Variants in PARD3B observed in about 807,000 individuals in gnomAD.
PARD3B encodes the protein partitioning defective 3 homolog B.
In PARD3B, 103 loss-of-function variants were observed where a neutral mutation model predicts 130.2. The observed-to-expected ratio is 0.79, with a 90% CI of 0.67 to 0.93. The LOEUF is 0.93. Ranked by LOEUF, PARD3B falls within the 40% of genes least tolerant of loss-of-function variation. PARD3B has a pLI of 0.00. For synonymous variants in PARD3B, 583 were observed against 553.2 expected (o/e 1.05, Z -0.76); for missense variants, 1,609 against 1,499.2 (o/e 1.07, Z -1.21).
Position 205,176,646 on chromosome 2 carries a change from A to T in PARD3B, c.1924+69A>T. The T allele has an allele frequency of 7.4e-7, 1 of 1,350,376 alleles. No homozygotes were observed. The highest frequency in any genetic ancestry group is 9.9e-7 in the Non-Finnish European group (1 of 1,013,764). 83.6% of individuals were successfully genotyped at this position (1,350,376 alleles called of 1,614,324 possible). Reference sequence around the variant, plus strand: ...ACACAAAAGTGTCTTTTTATCTAAAAAAAAAAAAAAAGAGTAAAGGGGAGT... The same window carrying T: ...ACACAAAAGTGTCTTTTTATCTAAATAAAAAAAAAAAGAGTAAAGGGGAGT... On this transcript the variant is annotated intron_variant, in intron 13 of 22. Coordinates refer to ENST00000406610, the MANE Select transcript of PARD3B (RefSeq NM_001302769.2). This position sits in a 1 kb window ranked among gnomAD's most constrained non-coding sequence, Gnocchi z 5.3.
rs781431653 is a variant in PARD3B at position 205,558,303 on chromosome 2, T to C, written c.3260+4900T>C. 2.0e-5 allele frequency among the ~76,000 whole-genome samples: 3 copies of C among 152,022 alleles called. No homozygotes were observed. The highest frequency in any genetic ancestry group is 4.4e-5 in the Non-Finnish European group (3 of 67,990). ...GGAAGGTGGAGCATGATGCTCTAGC[T>C]CCCAGGGCAGACATGGCATGACAGC... On this transcript the variant is annotated intron_variant, in intron 22 of 22. Transcript: ENST00000406610. This position sits in a 1 kb window ranked among gnomAD's most constrained non-coding sequence, Gnocchi z 4.8.
At chr2:205,391,702 G>T (rs1272797303) in intron 18 of PARD3B, among the ~76,000 whole-genome samples, 2 of 152,178 alleles carry the variant, frequency 1.3e-5, no homozygotes, top group African/African-American at 2.4e-5. Flanking sequence ...AAGCAGAGGG[G>T]TAGAATAACT....
chr2:205,615,971 A>T lies in PARD3B; in HGVS notation c.*158A>T, dbSNP rs1296206475. 3.0e-6 allele frequency: 2 copies of T among 658,038 alleles called. No individual in the cohort carries two copies. Among genetic ancestry groups the T allele is most frequent in the East Asian group, 5.8e-5 (2 of 34,506 alleles). 40.8% of individuals were successfully genotyped at this position (658,038 alleles called of 1,614,324 possible). A position where few individuals can be genotyped will look rare whatever the true frequency, so the allele number is the denominator to read the frequency against. On this transcript the variant is annotated 3_prime_UTR_variant, in exon 23 of 23. Transcript: ENST00000406610. ...TAACGCATGACTGCTAATCAGAGAG[A>T]AAAAGAAGGGGAAGGGAATTGGGGA...
intron 15 of PARD3B, among the ~76,000 whole-genome samples, chr2:205,193,682 G>A (rs187324978): frequency 7.2e-5 from 11 of 152,236 alleles, no homozygotes; most frequent in Admixed American, 1.3e-4. Flanking sequence ...CTCTGTGCGG[G>A]CATACCTGTT....
intron 21 of PARD3B, among the ~76,000 whole-genome samples, chr2:205,508,792 C>A (rs2050476307): frequency 6.6e-6 from 1 of 152,130 alleles, no homozygotes; most frequent in Non-Finnish European, 1.5e-5. Flanking sequence ...AGAGAAAAAA[C>A]CATGTCTATA....
chr2:205,515,602 G>A (rs978052461), intron 21 of PARD3B, among the ~76,000 whole-genome samples: 1 of 141,960 alleles, frequency 7.0e-6, no homozygotes, highest in African/African-American at 2.7e-5. Flanking sequence ...CTGCATGTAT[G>A]TCTTTTTTTG....
intron 2 of PARD3B, among the ~76,000 whole-genome samples, chr2:204,820,650 A>G (rs1322968362): frequency 6.6e-6 from 1 of 151,858 alleles, no homozygotes; most frequent in East Asian, 2.0e-4. Context: ...CCTCATCTCT[A>G]CTAAAAATAC....
intron 2 of PARD3B, among the ~76,000 whole-genome samples, chr2:204,848,485 A>T (rs893760159): frequency 5.3e-5 from 8 of 151,906 alleles, no homozygotes; most frequent in Non-Finnish European, 1.2e-4. Context: ...AATAAAAATA[A>T]AAAAAAATAG....
At chr2:204,594,965 T>G (rs967634980) in intron 1 of PARD3B, among the ~76,000 whole-genome samples, 4 of 152,214 alleles carry the variant, frequency 2.6e-5, no homozygotes, top group African/African-American at 4.8e-5. Context: ...CAGTGATGCC[T>G]CCAGTGATCT....
intron 2 of PARD3B, among the ~76,000 whole-genome samples, chr2:204,761,349 A>G (rs1214862350): frequency 1.3e-5 from 2 of 152,186 alleles, no homozygotes; most frequent in Admixed American, 1.3e-4. Context: ...TAAAAGGCAC[A>G]CCATTCAGTT....
chr2:204,749,643 C>T (rs1319875526), intron 2 of PARD3B, among the ~76,000 whole-genome samples: 3 of 152,080 alleles, frequency 2.0e-5, no homozygotes, highest in African/African-American at 7.2e-5. Flanking sequence ...AATTATATTT[C>T]TCCTTGGTTC....
intron 3 of PARD3B, among the ~76,000 whole-genome samples, chr2:204,980,402 A>G (rs1470830003): frequency 2.6e-5 from 4 of 152,308 alleles, no homozygotes; most frequent in South Asian, 2.1e-4. Flanking sequence ...GAGTTGACAA[A>G]TCTTTCTAGT....
At position 204,546,036 on chromosome 2, in the gene PARD3B, G is replaced by T; in HGVS notation, c.37G>T (p.Val13Leu). Residue 13 changes from valine to leucine, a missense_variant, in exon 1 of 23, where the codon GTG becomes TTG. Transcript: ENST00000406610. Reference sequence around the variant, plus strand: ...CGTGTGCTTCGGCAGGACGGGCATCGTGGTGCCCTGCAAGGAGGGCCAGCT... The same window carrying T: ...CGTGTGCTTCGGCAGGACGGGCATCTTGGTGCCCTGCAAGGAGGGCCAGCT... ...VTVCFGRTGIVVPCKEGQLRV... is the reference protein window; with the variant it reads ...VTVCFGRTGILVPCKEGQLRV... The T allele has an allele frequency of 2.6e-6, 4 of 1,567,544 alleles. No homozygotes were observed. The highest frequency in any genetic ancestry group is 2.7e-5 in the African/African-American group (2 of 73,700).
At chr2:204,927,986 T>C (rs1004846477) in intron 2 of PARD3B, among the ~76,000 whole-genome samples, 46 of 152,122 alleles carry the variant, frequency 3.0e-4, no homozygotes, top group African/African-American at 1.1e-3. Context: ...AATTGCAAAA[T>C]TGAGTGATTT....
intron 2 of PARD3B, among the ~76,000 whole-genome samples, chr2:204,878,018 A>G (rs1225938004): frequency 2.0e-5 from 3 of 152,192 alleles, no homozygotes; most frequent in Non-Finnish European, 2.9e-5. Flanking sequence ...TCTGCCCTTC[A>G]TTATCACTAT....
intron 3 of PARD3B, among the ~76,000 whole-genome samples, chr2:205,024,313 G>A (rs1013490112): frequency 2.6e-5 from 4 of 151,372 alleles, no homozygotes; most frequent in African/African-American, 9.7e-5. Context: ...GATTACAGGT[G>A]CACCCCCACC....
chr2:205,503,214 G>T (rs576401150), intron 21 of PARD3B, among the ~76,000 whole-genome samples: 1 of 152,182 alleles, frequency 6.6e-6, no homozygotes, highest in African/African-American at 2.4e-5. Context: ...ATAGATCTAA[G>T]CCCAAACAAA....
intron 16 of PARD3B, among the ~76,000 whole-genome samples, chr2:205,249,220 G>A (rs957476035): frequency 3.5e-5 from 5 of 144,734 alleles, no homozygotes; most frequent in Non-Finnish European, 4.5e-5. Flanking sequence ...AGAGTCTCTC[G>A]CTCTTTCTCT....
intron 21 of PARD3B, among the ~76,000 whole-genome samples, chr2:205,536,531 G>T (rs574628526): frequency 2.2e-4 from 33 of 152,244 alleles, no homozygotes; most frequent in African/African-American, 7.9e-4. Flanking sequence ...TAAACTCAGG[G>T]ATCATCACCT....
Sources: gnomAD v4.1 joint callset for allele counts (sites outside exome capture counted in the v4.1 genomes callset) on GRCh38, gnomAD v4.1.1 for gene constraint, Gnocchi (gnomAD v3.1) non-coding constraint, MANE v1.5 for transcripts, NCBI Gene and HGNC (gene_info 2026-07-23, HGNC 2026-07-21) for gene names.